The following ADGRV1 variants were observed in gnomAD, a reference collection of about 807,000 sequenced individuals.
ADGRV1 encodes the protein G-protein coupled receptor 98.
A neutral mutation model predicts 596.2 loss-of-function variants in ADGRV1; 359 were observed. The observed-to-expected ratio is 0.60, with a 90% CI of 0.55 to 0.66. ADGRV1 has a LOEUF of 0.66. ADGRV1 is among the 30% of genes least tolerant of loss of function. ADGRV1 has a pLI of 0.00. For synonymous variants in ADGRV1, 2,681 were observed against 2,679.2 expected, an observed-to-expected ratio of 1.00 and a Z score of -0.02; for missense variants, 7,274 against 7,575.6, an observed-to-expected ratio of 0.96 and a Z score of 1.48.
intron 85 of ADGRV1, among the ~76,000 whole-genome samples, chr5:90,997,534 AG>A (rs1247291651): frequency 6.6e-6 from 1 of 152,188 alleles, no homozygotes; most frequent in African/African-American, 2.4e-5. Context: ...ACCTAGTCTC[AG>A]GTTGTTCTTT....
intron 83 of ADGRV1, among the ~76,000 whole-genome samples, chr5:90,870,949 CTGCTAA>C (rs1165032835): frequency 2.0e-5 from 3 of 152,164 alleles, no homozygotes; most frequent in Non-Finnish European, 4.4e-5. Flanking sequence ...AAGTGACTCC[CTGCTAA>C]TGCACCTAAC....
intron 82 of ADGRV1, among the ~76,000 whole-genome samples, chr5:90,857,758 T>A (rs1341467342): frequency 1.3e-5 from 2 of 152,100 alleles, no homozygotes; most frequent in African/African-American, 2.4e-5. Flanking sequence ...CTCTGATGGA[T>A]CCCCAGGAAC....
intron 85 of ADGRV1, among the ~76,000 whole-genome samples, chr5:90,994,860 G>A (rs559226995): frequency 6.6e-6 from 1 of 152,334 alleles, no homozygotes; most frequent in African/African-American, 2.4e-5. Context: ...TTAAATGCCT[G>A]TAATGAAGAA....
At chr5:90,991,673 C>G (rs1426630806) in intron 85 of ADGRV1, among the ~76,000 whole-genome samples, 1 of 152,126 alleles carries the variant, frequency 6.6e-6, no homozygotes, top group African/African-American at 2.4e-5. Flanking sequence ...TCTGATTATC[C>G]TGCTTCTGAA....
intron 83 of ADGRV1, among the ~76,000 whole-genome samples, chr5:90,879,165 C>A (rs957765208): frequency 6.6e-6 from 1 of 152,200 alleles, no homozygotes; most frequent in Admixed American, 6.5e-5. Flanking sequence ...ACCTCACCTC[C>A]ATGGTTCCCC....
intron 83 of ADGRV1, among the ~76,000 whole-genome samples, chr5:90,956,884 G>A (rs1395280177): frequency 1.3e-5 from 2 of 152,118 alleles, no homozygotes; most frequent in Non-Finnish European, 2.9e-5. Context: ...TCTGTGGAAA[G>A]AGCTGTAATG....
intron 87 of ADGRV1, among the ~76,000 whole-genome samples, chr5:91,106,329 T>G (rs1191585344): frequency 6.6e-6 from 1 of 152,228 alleles, no homozygotes; most frequent in East Asian, 1.9e-4. Context: ...TCCATGTGTC[T>G]TTGTTTATGC....
intron 1 of ADGRV1, among the ~76,000 whole-genome samples, chr5:90,564,062 T>C (rs1234017317): frequency 6.6e-6 from 1 of 152,242 alleles, no homozygotes; most frequent in South Asian, 2.1e-4. Flanking sequence ...AGTACATTTT[T>C]CATTCTTCAA....
rs530556484 is a variant in ADGRV1, at chr5:91,089,095, G to A, written c.18311-13124G>A. 5.3e-5 allele frequency among the ~76,000 whole-genome samples: 8 copies of A among 152,138 alleles called. No homozygotes were observed. In the South Asian group the frequency reaches 1.7e-3, roughly 32 times the overall value. On this transcript the variant is annotated intron_variant, in intron 86 of 89. Transcript: ENST00000405460. ...ATTAAAATCCCTGCCACACCTGTGG[G>A]TATTGTGCCATTGTTTAAAAGGGTA...
intron 83 of ADGRV1, among the ~76,000 whole-genome samples, chr5:90,917,266 G>A (rs1317909576): frequency 6.6e-6 from 1 of 151,946 alleles, no homozygotes; most frequent in African/African-American, 2.4e-5. Flanking sequence ...AGGGGAAAAT[G>A]CCACAAATAG....
At chr5:90,924,363 G>C (rs12515473) in intron 83 of ADGRV1, among the ~76,000 whole-genome samples, 41,998 of 151,510 alleles carry the variant, frequency 0.28, 6,327 homozygotes, top group Non-Finnish European at 0.34. Flanking sequence ...GTTTTGATTT[G>C]CATTTCTCTG....
In ADGRV1 at chr5:90,776,469, T is replaced by C; in HGVS notation, c.12420T>C (p.Ile4140=). ...TGAATTTAGGTAGTGCATCAATAAT[T>C]ATTCGGGGTGATAAGCGAGCATCAG... ...ISPVKGSASI[I]IRGDKRASGE... The change falls in exon 61 of 90, where the codon ATT becomes ATC. Residue 4140 remains isoleucine, a synonymous_variant. Transcript: ENST00000405460. 6.2e-7 allele frequency: 1 copy of C among 1,612,596 alleles called. No homozygotes were observed. The highest frequency in any genetic ancestry group is 8.5e-7 in the Non-Finnish European group (1 of 1,179,098).
At chr5:91,028,555 C>G (rs1205059774) in intron 85 of ADGRV1, among the ~76,000 whole-genome samples, 2 of 151,960 alleles carry the variant, frequency 1.3e-5, no homozygotes, top group Non-Finnish European at 1.5e-5. Flanking sequence ...TTACACATGA[C>G]CAGACTTATG....
At chr5:91,149,857 A>G in intron 87 of ADGRV1, among the ~76,000 whole-genome samples, 173 bp from the exon 88 acceptor site, 1 of 149,420 alleles carries the variant, frequency 6.7e-6, no homozygotes, top group Non-Finnish European at 1.5e-5. Context: ...AAAGAGAAAG[A>G]AAAAAAGAAA....
rs938637925 is a variant in ADGRV1 at position 91,014,654 on chromosome 5, C to G, written c.18152+29132C>G. Among the ~76,000 whole-genome samples, 49 of 151,668 alleles carry G rather than the reference C, an allele frequency of 3.2e-4. 2 individuals carry two copies. Among genetic ancestry groups the G allele is most frequent in the Non-Finnish European group, 7.4e-5 (5 of 67,926 alleles). ...TATGTGTCCAGGAATTTATCCATCT[C>G]TTCTAGGTTTTCCAGTTTGTATGCA... On this transcript the variant is annotated intron_variant, in intron 85 of 89. Transcript: ENST00000405460.
At chr5:90,713,741 A>G (rs1749706287) in intron 42 of ADGRV1, among the ~76,000 whole-genome samples, 1 of 152,210 alleles carries the variant, frequency 6.6e-6, no homozygotes, top group African/African-American at 2.4e-5. Flanking sequence ...AAGAGAGAGT[A>G]TTCAAATTCA....
At chr5:90,824,108 A>T (rs1763861186) in intron 76 of ADGRV1, among the ~76,000 whole-genome samples, 1 of 151,158 alleles carries the variant, frequency 6.6e-6, no homozygotes, top group Non-Finnish European at 1.5e-5. Context: ...TTTATATTAC[A>T]ATAACATTTC....
intron 85 of ADGRV1, among the ~76,000 whole-genome samples, chr5:91,070,026 G>C (rs192414433): frequency 6.6e-6 from 1 of 151,926 alleles, no homozygotes; most frequent in Non-Finnish European, 1.5e-5. Context: ...CAAATACCAC[G>C]TGTTTTCACT....
chr5:90,675,737 A>G (rs1237849010), intron 24 of ADGRV1, among the ~76,000 whole-genome samples: 1 of 152,086 alleles, frequency 6.6e-6, no homozygotes, highest in East Asian at 1.9e-4. Context: ...ATAGTGAGCT[A>G]TGATCCCACC....
Sources: gnomAD v4.1 joint callset for allele counts (sites outside exome capture counted in the v4.1 genomes callset) on GRCh38, gnomAD v4.1.1 for gene constraint, MANE v1.5 for transcripts, NCBI Gene and HGNC (gene_info 2026-07-23, HGNC 2026-07-21) for gene names.